The following FSHR variants were observed in gnomAD, a reference collection of about 807,000 sequenced individuals.
The protein encoded by FSHR is follicle-stimulating hormone receptor.
Under a neutral mutation model 52.1 loss-of-function variants are expected in FSHR, and 46 were observed. That is an observed-to-expected ratio of 0.88 (90% confidence interval 0.70 to 1.13). The LOEUF (loss-of-function observed/expected upper bound fraction) is 1.13, where lower values mean the gene tolerates loss of function less well. Among genes scored for constraint, FSHR ranks in the 50% most tolerant of loss-of-function variants. FSHR has a pLI of 0.00. For synonymous variants in FSHR, 399 were observed against 309.6 expected, an observed-to-expected ratio of 1.29 and a Z score of -3.03; for missense variants, 964 against 834.6, an observed-to-expected ratio of 1.16 and a Z score of -1.91.
At chr2:49,142,133 G>C (rs76636385) in intron 1 of FSHR, among the ~76,000 whole-genome samples, 5,632 of 152,206 alleles carry the variant, frequency 0.037, 335 homozygotes, top group African/African-American at 0.13. Flanking sequence ...TGTATTGAGT[G>C]TTTACTCTGT....
chr2:49,098,838 T>A (rs1351380638), intron 1 of FSHR, among the ~76,000 whole-genome samples: 1 of 146,570 alleles, frequency 6.8e-6, no homozygotes, highest in East Asian at 1.9e-4. Context: ...ATATTATATA[T>A]TATATTATAT....
At chr2:49,066,364 G>A (rs1268840495) in intron 2 of FSHR, among the ~76,000 whole-genome samples, 3 of 151,976 alleles carry the variant, frequency 2.0e-5, no homozygotes, top group Non-Finnish European at 2.9e-5. Context: ...AAGAACACAA[G>A]TGAAGGAGAT....
chr2:48,963,047 C>G lies in FSHR; in HGVS notation c.1774G>C (p.Ala592Pro). 1 of 1,613,934 alleles carries G rather than the reference C, an allele frequency of 6.2e-7. No homozygotes were observed. Among genetic ancestry groups the G allele is most frequent in the Non-Finnish European group, 8.5e-7 (1 of 1,179,956 alleles). The change falls in exon 10 of 10, where the codon GCC becomes CCC. Residue 592 changes from alanine (A) to proline (P), a missense_variant. By Grantham distance (27) the Ala-to-Pro change is conservative. Transcript: ENST00000406846. ...GGCACCTTGAGGGAGGCAGAAATGG[C>G]AAAGAAAGAAATGGGTGCCATGCAG... The part of the protein sequence containing the change: ...FLCMAPISFF[A>P]ISASLKVPLI...
intron 2 of FSHR, among the ~76,000 whole-genome samples, chr2:49,067,917 A>C (rs1306427692): frequency 6.6e-6 from 1 of 151,932 alleles, no homozygotes; most frequent in Non-Finnish European, 1.5e-5. Context: ...GGATGTCTGC[A>C]GAAAAGAAGA....
chr2:48,999,957 T>A (rs1676183919), intron 4 of FSHR, among the ~76,000 whole-genome samples: 1 of 152,156 alleles, frequency 6.6e-6, no homozygotes, highest in Non-Finnish European at 1.5e-5. Flanking sequence ...AGACTAATTC[T>A]TCAAAAAGAC....
intron 6 of FSHR, among the ~76,000 whole-genome samples, chr2:48,985,697 GTT>G (rs70946839): frequency 0.41 from 40,241 of 97,506 alleles, 12,102 homozygotes; most frequent in Non-Finnish European, 0.5. Context: ...GCAAGTACAG[GTT>G]TTTTTTTTTT....
chr2:49,078,716 A>C (rs1239643223), intron 1 of FSHR, among the ~76,000 whole-genome samples: 2 of 152,156 alleles, frequency 1.3e-5, no homozygotes. Flanking sequence ...TTAAGAAAAA[A>C]ATTCTTAATC....
At chr2:48,985,858 C>G (rs1034312121) in intron 6 of FSHR, among the ~76,000 whole-genome samples, 1 of 145,300 alleles carries the variant, frequency 6.9e-6, no homozygotes, top group Admixed American at 7.0e-5. Flanking sequence ...GGACTACAGG[C>G]GCCCGCCACT....
intron 4 of FSHR, among the ~76,000 whole-genome samples, chr2:48,998,975 T>C (rs979976724): frequency 5.3e-5 from 8 of 152,080 alleles, no homozygotes; most frequent in Non-Finnish European, 1.5e-5. Context: ...GTCATATGTG[T>C]ATCTACTTTA....
chr2:48,980,832 T>C (rs1675214522), intron 8 of FSHR, among the ~76,000 whole-genome samples: 1 of 152,126 alleles, frequency 6.6e-6, no homozygotes, highest in African/African-American at 2.4e-5. Context: ...AGTTGGATAA[T>C]GAAGGAGTTG....
At chr2:49,077,956 C>G (rs1164884739) in intron 1 of FSHR, among the ~76,000 whole-genome samples, 1 of 152,190 alleles carries the variant, frequency 6.6e-6, no homozygotes, top group African/African-American at 2.4e-5. Context: ...TTAGGAAGTT[C>G]CAAACTTTCC....
At chr2:49,048,537 A>G (rs1168583939) in intron 2 of FSHR, among the ~76,000 whole-genome samples, 5 of 152,172 alleles carry the variant, frequency 3.3e-5, no homozygotes, top group African/African-American at 1.2e-4. Context: ...CATACCTTGC[A>G]TTTGCACTCA....
chr2:49,112,629 A>T (rs1019254897), intron 1 of FSHR, among the ~76,000 whole-genome samples: 1 of 152,186 alleles, frequency 6.6e-6, no homozygotes, highest in African/African-American at 2.4e-5. Flanking sequence ...TCACTTTGTG[A>T]GTATATTAAA....
intron 2 of FSHR, among the ~76,000 whole-genome samples, chr2:49,052,993 T>C (rs1668925725): frequency 6.6e-6 from 1 of 152,214 alleles, no homozygotes; most frequent in African/African-American, 2.4e-5. Flanking sequence ...ACAATTCTCA[T>C]TCAATAAATC....
At chr2:49,051,083 C>T (rs1572681086) in intron 2 of FSHR, among the ~76,000 whole-genome samples, 1 of 152,018 alleles carries the variant, frequency 6.6e-6, no homozygotes, top group South Asian at 2.1e-4. Context: ...TTTTTTATTA[C>T]TGCTTAGTAT....
intron 2 of FSHR, among the ~76,000 whole-genome samples, chr2:49,038,626 A>AAAT (rs56326531): frequency 0.14 from 9,554 of 70,454 alleles, 694 homozygotes; most frequent in Non-Finnish European, 0.16. Flanking sequence ...CTCTGTCTCA[A>AAAT]AATAATAATA....
intron 1 of FSHR, among the ~76,000 whole-genome samples, chr2:49,084,445 CA>C (rs1309074532): frequency 1.6e-4 from 25 of 152,170 alleles, no homozygotes; most frequent in Admixed American, 4.6e-4. Flanking sequence ...ACTAGAAAAG[CA>C]AGAGCAAACA....
intron 2 of FSHR, among the ~76,000 whole-genome samples, chr2:49,031,162 G>A (rs987792105): frequency 6.6e-6 from 1 of 152,154 alleles, no homozygotes; most frequent in Non-Finnish European, 1.5e-5. Flanking sequence ...CAGTGGAATG[G>A]CTCCTATTGA....
At chr2:48,990,460 C>T (rs1559107713) in intron 5 of FSHR, 106 bp downstream of exon 5, 3 of 816,114 alleles carry the variant, frequency 3.7e-6, no homozygotes, top group African/African-American at 1.7e-5. Flanking sequence ...CAGAGCAATA[C>T]ATTTGGAGGA....
Sources: gnomAD v4.1 joint callset for allele counts (sites outside exome capture counted in the v4.1 genomes callset) on GRCh38, gnomAD v4.1.1 for gene constraint, MANE v1.5 for transcripts, NCBI Gene and HGNC (gene_info 2026-07-23, HGNC 2026-07-21) for gene names.